Variants in TBC1D14 observed in about 807,000 individuals in gnomAD.
TBC1D14 encodes the protein TBC1 domain family, member 14.
A neutral mutation model predicts 79.0 loss-of-function variants in TBC1D14; 26 were observed. The ratio of observed to expected loss-of-function variants is 0.33; its 90% CI spans 0.24 to 0.46. TBC1D14 has a LOEUF of 0.46. TBC1D14 is among the 20% of genes least tolerant of loss of function. The pLI is 1.00. For synonymous variants in TBC1D14, 394 were observed against 349.9 expected (o/e 1.13, Z -1.40); for missense variants, 769 against 887.6 (o/e 0.87, Z 1.70).
At chr4:6,937,315 G>C (rs1175244316) in intron 2 of TBC1D14, among the ~76,000 whole-genome samples, 1 of 152,242 alleles carries the variant, frequency 6.6e-6, no homozygotes, top group East Asian at 1.9e-4. Flanking sequence ...GTAAGATCAA[G>C]GTGCCAGCAC....
intron 3 of TBC1D14, 97 bp from the exon 4 acceptor site, chr4:6,994,087 C>CT (rs989382190): frequency 9.1e-7 from 1 of 1,102,268 alleles, no homozygotes; most frequent in African/African-American, 1.5e-5. Context: ...TCGAAATTGG[C>CT]TTAAAAGAGT....
At chr4:7,010,231 G>T (rs1048828054) in intron 10 of TBC1D14, among the ~76,000 whole-genome samples, 1 of 152,162 alleles carries the variant, frequency 6.6e-6, no homozygotes, top group East Asian at 1.9e-4. Flanking sequence ...CCTTAACCAC[G>T]TTAAAAGCAG....
At chr4:6,939,070 C>T (rs1444282446) in intron 2 of TBC1D14, among the ~76,000 whole-genome samples, 1 of 152,216 alleles carries the variant, frequency 6.6e-6, no homozygotes, top group Non-Finnish European at 1.5e-5. Context: ...GTGGCCTCTT[C>T]CTCATCAGCA....
At position 6,996,219 on chromosome 4, in the gene TBC1D14, T is replaced by C. The variant is rs969384657; in HGVS notation, c.963-106T>C. The C allele has an allele frequency of 3.5e-6, 3 of 854,548 alleles. No homozygotes were observed. In the African/African-American group the frequency reaches 5.1e-5, roughly 15 times the overall value. The allele number at this position is 854,548 out of a possible 1,614,324, so 52.9% of individuals were successfully genotyped here. A position where few individuals can be genotyped will look rare whatever the true frequency, so the allele number is the denominator to read the frequency against. On this transcript the variant is annotated intron_variant, in intron 4 of 13. Transcript: ENST00000409757. ...TGTGTAATCTTAAAAAAATGAGTTT[T>C]TAGTGTTTGAGCTTTATATTTTTTA...
intron 13 of TBC1D14, 136 bp from the exon 14 acceptor site, chr4:7,030,191 A>G (rs1722902991): frequency 2.7e-6 from 2 of 746,638 alleles, no homozygotes; most frequent in Non-Finnish European, 4.7e-6. Flanking sequence ...GGAGTGGAAG[A>G]CCCTGGAGGG....
chr4:6,963,631 C>G (rs1285429996), intron 2 of TBC1D14, among the ~76,000 whole-genome samples: 1 of 152,216 alleles, frequency 6.6e-6, no homozygotes, highest in Non-Finnish European at 1.5e-5. Context: ...GATGTCCTTT[C>G]AGCCCAGACC....
chr4:6,967,916 G>A (rs1715846556), intron 3 of TBC1D14, among the ~76,000 whole-genome samples: 1 of 152,156 alleles, frequency 6.6e-6, no homozygotes, highest in African/African-American at 2.4e-5. Context: ...GTGGGGATGG[G>A]GTTCATGCCA....
At chr4:7,027,909 C>A (rs192417279) in intron 13 of TBC1D14, among the ~76,000 whole-genome samples, 37 of 148,972 alleles carry the variant, frequency 2.5e-4, no homozygotes, top group African/African-American at 8.4e-4. Context: ...CAATCACACA[C>A]ATACACAATC....
chr4:6,948,261 G>A (rs2108995017), intron 2 of TBC1D14, among the ~76,000 whole-genome samples: 1 of 152,304 alleles, frequency 6.6e-6, no homozygotes, highest in Admixed American at 6.5e-5. Flanking sequence ...TTCCCTGTCA[G>A]CATTTCGCTC....
chr4:6,923,795 G>A lies in TBC1D14; in HGVS notation c.406G>A (p.Asp136Asn). 6.2e-7 allele frequency: 1 copy of A among 1,614,156 alleles called. No homozygotes were observed. Among genetic ancestry groups the A allele is most frequent in the Non-Finnish European group, 8.5e-7 (1 of 1,180,052 alleles). The change falls in exon 2 of 14, where the codon GAC becomes AAC. Residue 136 changes from aspartate to asparagine, a missense_variant. This residue lies in a region of TBC1D14 where 402 missense variants were observed against 393.2 expected (regional missense o/e 1.02). Transcript: ENST00000409757. ...CTCCACGTTTCCCAGGACAGGCTAT[G>A]ACTCGGTAAAGCTCTATAGCCCGAC... ...KSSTFPRTGY[D>N]SVKLYSPTSK...
chr4:6,933,538 T>A (rs539352112), intron 2 of TBC1D14, among the ~76,000 whole-genome samples: 97 of 151,922 alleles, frequency 6.4e-4, no homozygotes, highest in Non-Finnish European at 1.1e-3. Flanking sequence ...ACTCCTAGCC[T>A]CAAGTGATCC....
intron 2 of TBC1D14, among the ~76,000 whole-genome samples, chr4:6,962,305 G>A (rs1715295674): frequency 6.6e-6 from 1 of 152,118 alleles, no homozygotes; most frequent in South Asian, 2.1e-4. Flanking sequence ...GGGCTCTCAG[G>A]GAACCCCGCT....
chr4:6,959,142 C>T (rs1468883713), intron 2 of TBC1D14, among the ~76,000 whole-genome samples: 1 of 151,734 alleles, frequency 6.6e-6, no homozygotes, highest in Non-Finnish European at 1.5e-5. Context: ...GCCTCGGCCT[C>T]CCAAAGTGCT....
intron 2 of TBC1D14, among the ~76,000 whole-genome samples, chr4:6,955,890 G>A (rs1256982492): frequency 1.3e-5 from 2 of 152,146 alleles, no homozygotes; most frequent in African/African-American, 4.8e-5. Context: ...GCAGCTCTGT[G>A]TTGTTTAGGT....
At chr4:7,000,103 T>A (rs1280669871) in intron 6 of TBC1D14, among the ~76,000 whole-genome samples, 1 of 152,140 alleles carries the variant, frequency 6.6e-6, no homozygotes, top group Non-Finnish European at 1.5e-5. Context: ...GCATGCTTTT[T>A]AAGGCAGTAT....
At chr4:7,028,174 A>G (rs1205130406) in intron 13 of TBC1D14, among the ~76,000 whole-genome samples, 1 of 151,834 alleles carries the variant, frequency 6.6e-6, no homozygotes, top group African/African-American at 2.4e-5. Flanking sequence ...CCTCACATGC[A>G]CATACACACC....
intron 1 of TBC1D14, among the ~76,000 whole-genome samples, chr4:6,916,770 T>G (rs1296735488): frequency 6.6e-6 from 1 of 152,220 alleles, no homozygotes; most frequent in Non-Finnish European, 1.5e-5. Context: ...ACTTCACATC[T>G]TGTCTTTCTC....
chr4:6,971,096 G>A (rs12503027), intron 3 of TBC1D14, among the ~76,000 whole-genome samples: 16,184 of 151,324 alleles, frequency 0.11, 896 homozygotes, highest in Middle Eastern at 0.18. Flanking sequence ...GGAGCCTGTG[G>A]TTGAGCTGGG....
At chr4:6,958,138 G>A (rs1714825169) in intron 2 of TBC1D14, among the ~76,000 whole-genome samples, 1 of 152,182 alleles carries the variant, frequency 6.6e-6, no homozygotes, top group South Asian at 2.1e-4. Context: ...CCACTCAGCA[G>A]CTGAACACAG....
Sources: gnomAD v4.1 joint callset for allele counts (sites outside exome capture counted in the v4.1 genomes callset) on GRCh38, gnomAD v4.1.1 for gene constraint, gnomAD v4.1.1 regional missense constraint, MANE v1.5 for transcripts, NCBI Gene and HGNC (gene_info 2026-07-23, HGNC 2026-07-21) for gene names.